The following ANO10 variants were observed in gnomAD, a reference collection of about 807,000 sequenced individuals.
The protein encoded by ANO10 is anoctamin-10.
A neutral mutation model predicts 74.7 loss-of-function variants in ANO10; 77 were observed. The ratio of observed to expected loss-of-function variants is 1.03; its 90% CI spans 0.86 to 1.25. The LOEUF is 1.25. Ranked by LOEUF, ANO10 falls within the 50% of genes most tolerant of loss-of-function variation. The probability of loss-of-function intolerance (pLI) is 0.00; values close to 1 mark genes in which losing one functional copy is unlikely to be tolerated. For missense variants in ANO10, 721 were observed against 778.1 expected, an observed-to-expected ratio of 0.93 and a Z score of 0.87; for synonymous variants, 279 against 284.9, an observed-to-expected ratio of 0.98 and a Z score of 0.21.
chr3:43,565,610 C>A, intron 8 of ANO10, 43 bp downstream of exon 8: 17 of 1,456,716 alleles, frequency 1.2e-5, no homozygotes, highest in Admixed American at 1.1e-4. Context: ...AAAACCACCT[C>A]TATGACCTAA....
At chr3:43,642,615 C>T (rs1316262817) in intron 1 of ANO10, among the ~76,000 whole-genome samples, 3 of 152,096 alleles carry the variant, frequency 2.0e-5, no homozygotes, top group Non-Finnish European at 2.9e-5. Context: ...TTAAAAAATA[C>T]ACGAAAAGGT....
At chr3:43,463,439 G>A (rs2075475644) in intron 11 of ANO10, among the ~76,000 whole-genome samples, 2 of 152,286 alleles carry the variant, frequency 1.3e-5, no homozygotes, top group South Asian at 2.1e-4. Flanking sequence ...AACCCCAGGT[G>A]CCACAAAAGT....
At chr3:43,630,348 T>A (rs2083533815) in intron 1 of ANO10, among the ~76,000 whole-genome samples, 1 of 152,130 alleles carries the variant, frequency 6.6e-6, no homozygotes, top group Admixed American at 6.5e-5. Flanking sequence ...GTACTCTACA[T>A]GAGAGACACA....
chr3:43,670,095 G>A (rs771175657), intron 1 of ANO10, among the ~76,000 whole-genome samples: 15 of 152,048 alleles, frequency 9.9e-5, no homozygotes, highest in Non-Finnish European at 1.8e-4. Flanking sequence ...GCTCACACCT[G>A]TAATCCCGGC....
At chr3:43,617,479 T>C (rs1335696365) in intron 1 of ANO10, among the ~76,000 whole-genome samples, 1 of 152,078 alleles carries the variant, frequency 6.6e-6, no homozygotes, top group African/African-American at 2.4e-5. Context: ...ATGTGTCGAA[T>C]TGCACACAGG....
At chr3:43,597,313 G>A (rs1215617123) in intron 4 of ANO10, among the ~76,000 whole-genome samples, 1 of 152,220 alleles carries the variant, frequency 6.6e-6, no homozygotes, top group East Asian at 1.9e-4. Context: ...ACATGCACAC[G>A]TATGTTTATT....
At chr3:43,690,118 G>T (rs1421643911) in intron 1 of ANO10, 3 of 151,684 alleles carry the variant, frequency 2.0e-5, no homozygotes, top group African/African-American at 7.3e-5. Flanking sequence ...GGAGTGCAAT[G>T]GTGCGATCTC....
At position 43,424,303 on chromosome 3, in the gene ANO10, C is replaced by T. The variant is rs537006748; in HGVS notation, c.1914+8308G>A. ...CTAAGCTAGCTGCCCTTGCTCATTCCTAGGCAAAGGCCGAACTAACTTTGG... is the reference window on the plus strand; with the variant it reads ...CTAAGCTAGCTGCCCTTGCTCATTCTTAGGCAAAGGCCGAACTAACTTTGG... On this transcript the variant is annotated intron_variant, in intron 12 of 12. Coordinates refer to ENST00000292246, the MANE Select transcript of ANO10 (RefSeq NM_018075.5). Among the ~76,000 whole-genome samples, 8 of 152,342 alleles carry T rather than the reference C, an allele frequency of 5.3e-5. No homozygotes were observed. In the East Asian group the frequency reaches 1.5e-3, roughly 29 times the overall value.
At chr3:43,601,700 T>C (rs2082342244) in intron 2 of ANO10, among the ~76,000 whole-genome samples, 1 of 152,184 alleles carries the variant, frequency 6.6e-6, no homozygotes, top group Admixed American at 6.5e-5. Context: ...GTATATTCAA[T>C]TTACAGAAAA....
In ANO10 at chr3:43,608,569, G is replaced by A. The variant is rs1180963035; in HGVS notation, c.-11-2706C>T. Among the ~76,000 whole-genome samples, 4 of 152,164 alleles carry A rather than the reference G, an allele frequency of 2.6e-5. No homozygotes were observed. In the South Asian group the frequency reaches 8.3e-4, roughly 32 times the overall value. On this transcript the variant is annotated intron_variant, in intron 1 of 12. Transcript: ENST00000292246. The stretch of plus-strand genomic sequence containing the variant: ...CTTCAGGTATAAGCCACTGCACATG[G>A]CCTTTGTTTTGTTTTGTTTTGTTTT...
chr3:43,544,806 A>T (rs1451829089), intron 11 of ANO10, among the ~76,000 whole-genome samples: 1 of 151,662 alleles, frequency 6.6e-6, no homozygotes, highest in Non-Finnish European at 1.5e-5. Context: ...TAAAAAAAAA[A>T]AAAAAAAAAA....
intron 9 of ANO10, among the ~76,000 whole-genome samples, chr3:43,556,925 C>A (rs1195310630): frequency 1.3e-5 from 2 of 152,068 alleles, no homozygotes; most frequent in Non-Finnish European, 2.9e-5. Flanking sequence ...ATTTATAGCT[C>A]AAATTACTGT....
chr3:43,611,419 A>AT (rs1254083670), intron 1 of ANO10, among the ~76,000 whole-genome samples: 1 of 152,226 alleles, frequency 6.6e-6, no homozygotes, highest in East Asian at 1.9e-4. Flanking sequence ...ACTCTGATTA[A>AT]TAGTATACAA....
chr3:43,607,855 T>C (rs1050139320), intron 1 of ANO10, among the ~76,000 whole-genome samples: 1 of 151,972 alleles, frequency 6.6e-6, no homozygotes, highest in African/African-American at 2.4e-5. Flanking sequence ...TGAGTCAAAA[T>C]TAAGAACCCA....
chr3:43,406,963 G>A (rs2148883220), intron 12 of ANO10, among the ~76,000 whole-genome samples: 1 of 151,902 alleles, frequency 6.6e-6, no homozygotes, highest in East Asian at 1.9e-4. Context: ...CAGTGCAGTG[G>A]CATGATCTTG....
chr3:43,484,255 G>T (rs911192648), intron 11 of ANO10, among the ~76,000 whole-genome samples: 3 of 152,134 alleles, frequency 2.0e-5, no homozygotes, highest in African/African-American at 7.2e-5. Context: ...CTGGGATTAT[G>T]GGTGTGAGCT....
At chr3:43,371,352 A>T (rs533444144) in intron 12 of ANO10, among the ~76,000 whole-genome samples, 2 of 152,184 alleles carry the variant, frequency 1.3e-5, no homozygotes, top group African/African-American at 4.8e-5. Flanking sequence ...CTAGGAATGG[A>T]GTTCTCAGGC....
intron 10 of ANO10, among the ~76,000 whole-genome samples, chr3:43,552,424 T>A (rs2079508372): frequency 6.6e-6 from 1 of 151,914 alleles, no homozygotes; most frequent in African/African-American, 2.4e-5. Flanking sequence ...ATATTTAGAA[T>A]CATTGGACAG....
chr3:43,612,978 G>A (rs1192571747), intron 1 of ANO10, among the ~76,000 whole-genome samples: 1 of 152,148 alleles, frequency 6.6e-6, no homozygotes, highest in African/African-American at 2.4e-5. Context: ...GACCAGCCTG[G>A]CCAACATGGT....
Sources: allele counts gnomAD v4.1 joint callset (sites outside exome capture counted in the v4.1 genomes callset), GRCh38; gene constraint gnomAD v4.1.1; transcripts MANE v1.5; gene names NCBI Gene and HGNC (gene_info 2026-07-23, HGNC 2026-07-21).